Variants in SLC14A2 observed in about 807,000 individuals in gnomAD.
The protein encoded by SLC14A2 is urea transporter 2.
Under a neutral mutation model 104.6 loss-of-function variants are expected in SLC14A2, and 91 were observed. The observed-to-expected ratio is 0.87, with a 90% CI of 0.73 to 1.04. SLC14A2 has a LOEUF of 1.04. Among genes scored for constraint, SLC14A2 ranks in the 50% least tolerant of loss-of-function variants. SLC14A2 has a pLI of 0.00. For missense variants in SLC14A2, 1,189 were observed against 1,156.0 expected (o/e 1.03, Z -0.41); for synonymous variants, 476 against 466.4 (o/e 1.02, Z -0.27).
chr18:45,222,291 G>C (rs1318331917), intron 1 of SLC14A2, among the ~76,000 whole-genome samples: 1 of 152,140 alleles, frequency 6.6e-6, no homozygotes, highest in Non-Finnish European at 1.5e-5. Context: ...CTTGAATGTT[G>C]GTTATCAGCT....
At chr18:45,354,956 A>G (rs2085537448) in intron 1 of SLC14A2, among the ~76,000 whole-genome samples, 1 of 152,220 alleles carries the variant, frequency 6.6e-6, no homozygotes, top group Admixed American at 6.5e-5. Context: ...TTTAAGAAGT[A>G]TGATATCTTA....
chr18:45,230,460 A>T (rs1229522229), intron 1 of SLC14A2, among the ~76,000 whole-genome samples: 1 of 152,148 alleles, frequency 6.6e-6, no homozygotes, highest in African/African-American at 2.4e-5. Context: ...GCATCTGTCT[A>T]TTCTTCCATT....
chr18:45,514,199 A>G (rs2043405765), intron 2 of SLC14A2, among the ~76,000 whole-genome samples: 1 of 152,230 alleles, frequency 6.6e-6, no homozygotes, highest in Non-Finnish European at 1.5e-5. Flanking sequence ...ATGGTTCTGC[A>G]GGCCGTACAG....
chr18:45,472,509 C>G (rs113537788), intron 1 of SLC14A2, among the ~76,000 whole-genome samples: 1,757 of 152,278 alleles, frequency 0.012, 12 homozygotes, highest in Middle Eastern at 0.024. Flanking sequence ...TAAAAGCATT[C>G]CTATTTTCCA....
intron 1 of SLC14A2, among the ~76,000 whole-genome samples, chr18:45,287,887 G>A (rs2084830886): frequency 6.6e-6 from 1 of 152,138 alleles, no homozygotes; most frequent in South Asian, 2.1e-4. Flanking sequence ...AGCACAGCCA[G>A]CCATGGCCAT....
At chr18:45,268,330 A>G (rs774170009) in intron 1 of SLC14A2, among the ~76,000 whole-genome samples, 5 of 152,184 alleles carry the variant, frequency 3.3e-5, no homozygotes, top group Non-Finnish European at 2.9e-5. Flanking sequence ...TAGAAGAAAG[A>G]CCACAAGTAG....
At chr18:45,244,332 G>A (rs1387891637) in intron 1 of SLC14A2, among the ~76,000 whole-genome samples, 1 of 152,144 alleles carries the variant, frequency 6.6e-6, no homozygotes, top group Admixed American at 6.5e-5. Context: ...AAAAGCCGGG[G>A]GGAGGGGGGT....
At chr18:45,555,916 T>C (rs1275998901) in intron 2 of SLC14A2, among the ~76,000 whole-genome samples, 2 of 152,332 alleles carry the variant, frequency 1.3e-5, no homozygotes, top group East Asian at 1.9e-4. Flanking sequence ...TGGCATTGCA[T>C]TGGAGTGTGC....
intron 1 of SLC14A2, among the ~76,000 whole-genome samples, chr18:45,274,093 G>C (rs2144126011): frequency 6.6e-6 from 1 of 152,232 alleles, no homozygotes; most frequent in East Asian, 1.9e-4. Flanking sequence ...GGAATCCCTT[G>C]TATTGGTGAT....
intron 16 of SLC14A2, among the ~76,000 whole-genome samples, chr18:45,672,349 G>T (rs2046154122): frequency 6.6e-6 from 1 of 152,098 alleles, no homozygotes; most frequent in African/African-American, 2.4e-5. Flanking sequence ...GATCAACATG[G>T]AAAAACCTCA....
At chr18:45,252,434 G>A (rs538923292) in intron 1 of SLC14A2, among the ~76,000 whole-genome samples, 105 of 152,272 alleles carry the variant, frequency 6.9e-4, no homozygotes, top group African/African-American at 2.5e-3. Flanking sequence ...GTTAAATATA[G>A]ATAGACATCA....
intron 17 of SLC14A2, 32 bp downstream of exon 17, chr18:45,673,079 G>T: frequency 6.2e-7 from 1 of 1,604,378 alleles, no homozygotes. Flanking sequence ...GGCTGTGAGG[G>T]GGTTAGAGCC....
At chr18:45,476,538 C>T (rs1294966167) in intron 1 of SLC14A2, among the ~76,000 whole-genome samples, 1 of 152,124 alleles carries the variant, frequency 6.6e-6, no homozygotes, top group Non-Finnish European at 1.5e-5. Context: ...CCTTGCGAGG[C>T]TGGGGAAGTT....
At chr18:45,419,064 T>G (rs543203725) in intron 1 of SLC14A2, among the ~76,000 whole-genome samples, 1 of 152,360 alleles carries the variant, frequency 6.6e-6, no homozygotes, top group East Asian at 1.9e-4. Flanking sequence ...ATGTGTGTTT[T>G]GTGAAGAGGA....
At chr18:45,464,726 G>A (rs548864502) in intron 1 of SLC14A2, among the ~76,000 whole-genome samples, 77 of 152,288 alleles carry the variant, frequency 5.1e-4, no homozygotes, top group African/African-American at 1.6e-3. Flanking sequence ...TTGGGAGTGC[G>A]TGTGACCTTT....
At chr18:45,388,722 A>G (rs1187976006) in intron 1 of SLC14A2, among the ~76,000 whole-genome samples, 1 of 152,230 alleles carries the variant, frequency 6.6e-6, no homozygotes, top group Non-Finnish European at 1.5e-5. Context: ...ACAGAAGGGC[A>G]TATTGGCACT....
chr18:45,509,104 C>T (rs1156588229), intron 2 of SLC14A2, among the ~76,000 whole-genome samples: 1 of 152,010 alleles, frequency 6.6e-6, no homozygotes, highest in African/African-American at 2.4e-5. Flanking sequence ...TTGGAAGAGT[C>T]CAAGAAGTAG....
intron 2 of SLC14A2, among the ~76,000 whole-genome samples, chr18:45,576,365 C>A (rs1285685081): frequency 7.0e-6 from 1 of 143,850 alleles, no homozygotes; most frequent in Non-Finnish European, 1.5e-5. Flanking sequence ...CTCACTGTAA[C>A]CTCCGCCTCC....
intron 1 of SLC14A2, among the ~76,000 whole-genome samples, chr18:45,277,462 G>T (rs1011500056): frequency 1.3e-5 from 2 of 152,016 alleles, no homozygotes; most frequent in Non-Finnish European, 2.9e-5. Context: ...AGGCTGAAGC[G>T]CAGTGGTGCG....
Sources: allele counts gnomAD v4.1 joint callset (sites outside exome capture counted in the v4.1 genomes callset), GRCh38; gene constraint gnomAD v4.1.1; transcripts MANE v1.5; gene names NCBI Gene and HGNC (gene_info 2026-07-23, HGNC 2026-07-21).